The following COL25A1 variants were observed in gnomAD, a reference collection of about 807,000 sequenced individuals.
COL25A1 encodes the protein collagen type XXV alpha 1 chain.
COL25A1 carries 103 observed loss-of-function variants against 128.4 expected under a neutral mutation model. That is an observed-to-expected ratio of 0.80 (90% CI 0.68 to 0.94). The LOEUF is 0.94. Ranked by LOEUF, COL25A1 falls within the 40% of genes least tolerant of loss-of-function variation. The probability of loss-of-function intolerance (pLI) is 0.00; values close to 1 mark genes in which losing one functional copy is unlikely to be tolerated. For missense variants in COL25A1, 745 were observed against 840.0 expected (o/e 0.89, Z 1.40); for synonymous variants, 279 against 277.2 (o/e 1.01, Z -0.06).
At chr4:109,266,176 T>A (rs971392072) in intron 3 of COL25A1, among the ~76,000 whole-genome samples, 1 of 152,212 alleles carries the variant, frequency 6.6e-6, no homozygotes, top group African/African-American at 2.4e-5. Context: ...TCATTTATCC[T>A]GTCTATTAAA....
At chr4:109,034,025 A>G (rs543029999) in intron 5 of COL25A1, among the ~76,000 whole-genome samples, 1 of 152,352 alleles carries the variant, frequency 6.6e-6, no homozygotes, top group South Asian at 2.1e-4. Flanking sequence ...TCGAGTAATT[A>G]AAGAGTAATA....
intron 16 of COL25A1, among the ~76,000 whole-genome samples, chr4:108,892,578 T>C (rs1185881592): frequency 6.6e-6 from 1 of 152,236 alleles, no homozygotes; most frequent in Non-Finnish European, 1.5e-5. Context: ...TGCATTACAA[T>C]GATCATTTTC....
intron 3 of COL25A1, among the ~76,000 whole-genome samples, chr4:109,059,184 T>C (rs1353396422): frequency 6.6e-6 from 1 of 152,224 alleles, no homozygotes; most frequent in East Asian, 1.9e-4. Context: ...TGCACTGGGC[T>C]AAGCACTGTA....
chr4:108,896,142 G>A (rs1742108577), intron 16 of COL25A1, among the ~76,000 whole-genome samples: 1 of 151,390 alleles, frequency 6.6e-6, no homozygotes, highest in Non-Finnish European at 1.5e-5. Flanking sequence ...TAGGGACGGG[G>A]TTTCACTGTG....
chr4:109,129,005 G>A (rs887072355), intron 3 of COL25A1, among the ~76,000 whole-genome samples: 4 of 152,202 alleles, frequency 2.6e-5, no homozygotes, highest in African/African-American at 9.7e-5. Flanking sequence ...CTGATTCAAC[G>A]TGTCTAAGGA....
At chr4:108,903,044 T>A (rs1014187919) in intron 13 of COL25A1, among the ~76,000 whole-genome samples, 23 of 151,954 alleles carry the variant, frequency 1.5e-4, no homozygotes, top group African/African-American at 5.1e-4. Context: ...AGAATAACCA[T>A]GGTAGCCAGA....
intron 26 of COL25A1, 128 bp from the exon 27 acceptor site, chr4:108,848,931 A>AT (rs1735432363): frequency 1.5e-6 from 1 of 689,324 alleles, no homozygotes; most frequent in African/African-American, 1.8e-5. Flanking sequence ...ACCCGAGAAT[A>AT]TTCTATTATA....
intron 3 of COL25A1, among the ~76,000 whole-genome samples, chr4:109,165,429 T>C (rs1424717664): frequency 6.6e-6 from 1 of 152,180 alleles, no homozygotes; most frequent in African/African-American, 2.4e-5. Flanking sequence ...TAAAAAATAA[T>C]GAAGGGCCAG....
chr4:109,220,086 C>T (rs2126208294), intron 3 of COL25A1, among the ~76,000 whole-genome samples: 1 of 152,212 alleles, frequency 6.6e-6, no homozygotes, highest in East Asian at 1.9e-4. Flanking sequence ...ATCAGAGCCA[C>T]CAACTGCTTT....
chr4:108,909,844 CCT>C (rs1744000371), intron 13 of COL25A1, among the ~76,000 whole-genome samples: 1 of 152,208 alleles, frequency 6.6e-6, no homozygotes, highest in Non-Finnish European at 1.5e-5. Context: ...CTCTTCCCAT[CCT>C]CTTTGTCTCT....
At position 108,963,753 on chromosome 4, in the gene COL25A1, C is replaced by T. The variant is rs1217227200; in HGVS notation, c.492+10614G>A. Among the ~76,000 whole-genome samples the T allele has an allele frequency of 2.6e-5, 4 of 151,632 alleles. No individual in the cohort carries two copies. The East Asian group carries it at 7.7e-4, about 29-fold the overall frequency. ...GTAACCAATATTTTATAAAAAGCAGCACTTGTAAAAATCCCAACAAAAGAA... is the reference window on the plus strand; with the variant it reads ...GTAACCAATATTTTATAAAAAGCAGTACTTGTAAAAATCCCAACAAAAGAA... On this transcript the variant is annotated intron_variant, in intron 8 of 37. Coordinates refer to ENST00000399132, the MANE Select transcript of COL25A1 (RefSeq NM_198721.4).
intron 6 of COL25A1, among the ~76,000 whole-genome samples, chr4:108,996,671 G>A (rs35055006): frequency 0.8 from 121,076 of 152,112 alleles, 49,343 homozygotes; most frequent in East Asian, 1. Flanking sequence ...AACAGAATAT[G>A]CATTCTTCTC....
At chr4:109,099,225 G>A (rs933393963) in intron 3 of COL25A1, among the ~76,000 whole-genome samples, 1 of 152,150 alleles carries the variant, frequency 6.6e-6, no homozygotes, top group Non-Finnish European at 1.5e-5. Context: ...ATAATCAGAA[G>A]AATGATTGCC....
intron 3 of COL25A1, among the ~76,000 whole-genome samples, chr4:109,223,395 AT>A (rs375115264): frequency 4.0e-5 from 6 of 151,756 alleles, no homozygotes; most frequent in East Asian, 1.9e-4. Context: ...TATATTCCAC[AT>A]TTCCCCCCCC....
chr4:109,179,669 C>T (rs1482705387), intron 3 of COL25A1, among the ~76,000 whole-genome samples: 1 of 152,188 alleles, frequency 6.6e-6, no homozygotes, highest in Non-Finnish European at 1.5e-5. Context: ...AGATCTTCCA[C>T]AAAACCAAAC....
At chr4:109,104,218 G>A (rs1766176070) in intron 3 of COL25A1, among the ~76,000 whole-genome samples, 1 of 151,754 alleles carries the variant, frequency 6.6e-6, no homozygotes, top group Non-Finnish European at 1.5e-5. Flanking sequence ...TTAAAAAAAT[G>A]AAAAATTAGC....
intron 3 of COL25A1, among the ~76,000 whole-genome samples, chr4:109,060,504 T>C (rs1413293761): frequency 6.6e-6 from 1 of 152,140 alleles, no homozygotes; most frequent in Non-Finnish European, 1.5e-5. Context: ...CTGTTTCATT[T>C]TTGTGAACAT....
At chr4:108,875,087 T>C (rs1204964816) in intron 19 of COL25A1, among the ~76,000 whole-genome samples, 1 of 152,190 alleles carries the variant, frequency 6.6e-6, no homozygotes, top group East Asian at 1.9e-4. Flanking sequence ...AGGGAATGAA[T>C]GAAGGCAACC....
chr4:109,197,335 T>TATATATTATATATATATTATATATAAAA (rs1776136094), intron 3 of COL25A1, among the ~76,000 whole-genome samples: 1 of 132,588 alleles, frequency 7.5e-6, no homozygotes, highest in African/African-American at 2.8e-5. Flanking sequence ...CAAGTATATA[T>TATATATTATATATATATTATATATAAAA]ATATATTATA....
Sources: gnomAD v4.1 joint callset for allele counts (sites outside exome capture counted in the v4.1 genomes callset) on GRCh38, gnomAD v4.1.1 for gene constraint, MANE v1.5 for transcripts, NCBI Gene and HGNC (gene_info 2026-07-23, HGNC 2026-07-21) for gene names.